Variants in GPR137C observed in about 807,000 individuals in gnomAD.
The protein encoded by GPR137C is G protein-coupled receptor 137C.
GPR137C carries 27 observed loss-of-function variants against 43.4 expected under a neutral mutation model. The ratio of observed to expected loss-of-function variants is 0.62; its 90% CI spans 0.46 to 0.86. The LOEUF is 0.86. Ranked by LOEUF, GPR137C falls within the 40% of genes least tolerant of loss-of-function variation. The probability of loss-of-function intolerance (pLI) is 0.00; values close to 1 mark genes in which losing one functional copy is unlikely to be tolerated. For synonymous variants in GPR137C, 285 were observed against 226.9 expected (o/e 1.26, Z -2.30); for missense variants, 522 against 534.6 (o/e 0.98, Z 0.23).
At chr14:52,607,003 T>C (rs1043086338) in intron 3 of GPR137C, among the ~76,000 whole-genome samples, 3 of 152,202 alleles carry the variant, frequency 2.0e-5, no homozygotes, top group Non-Finnish European at 4.4e-5. Flanking sequence ...TTTTTGTTTT[T>C]CTCAAGAAAT....
intron 3 of GPR137C, chr14:52,612,493 C>T (rs1014168892): frequency 5.1e-6 from 5 of 981,012 alleles, no homozygotes; most frequent in Non-Finnish European, 6.1e-6. Context: ...TTAGTAATTA[C>T]ATCTAGAACT....
At chr14:52,591,451 A>G (rs2038783411) in intron 1 of GPR137C, among the ~76,000 whole-genome samples, 1 of 152,186 alleles carries the variant, frequency 6.6e-6, no homozygotes, top group African/African-American at 2.4e-5. Flanking sequence ...CCAACAGTGT[A>G]AAAGCATTCC....
chr14:52,578,542 A>C (rs1310484252), intron 1 of GPR137C, among the ~76,000 whole-genome samples: 1 of 152,128 alleles, frequency 6.6e-6, no homozygotes, highest in Non-Finnish European at 1.5e-5. Context: ...TATTAAGGAT[A>C]GTTTTCCTGT....
intron 3 of GPR137C, among the ~76,000 whole-genome samples, chr14:52,631,155 A>G (rs989757174): frequency 5.5e-4 from 84 of 152,278 alleles, no homozygotes; most frequent in African/African-American, 2.0e-3. Flanking sequence ...TATATTCAAA[A>G]CGGAATTAGG....
Position 52,634,977 on chromosome 14 carries a change from G to T in GPR137C, c.1152G>T (p.Met384Ile). 6.2e-7 allele frequency: 1 copy of T among 1,612,548 alleles called. No homozygotes were observed. The highest frequency in any genetic ancestry group is 8.5e-7 in the Non-Finnish European group (1 of 1,179,312). Residue 384 changes from methionine to isoleucine, a missense_variant, in exon 7 of 7, where the codon ATG (methionine) becomes ATT (isoleucine). Physicochemically the swap from Met to Ile is conservative, Grantham distance 10. Transcript: ENST00000321662. ...NSQSLGWYGT[M>I]TGCGSSSYTV... ...AAAGTTTGGGCTGGTATGGCACCAT[G>T]ACTGGGTGTGGCAGCAGCAGTTACA...
At chr14:52,559,246 C>G (rs1043445602) in intron 1 of GPR137C, among the ~76,000 whole-genome samples, 1 of 151,916 alleles carries the variant, frequency 6.6e-6, no homozygotes, top group Admixed American at 6.6e-5. Flanking sequence ...CATGGTGGCA[C>G]GCGCCTGTAG....
rs2039342142 is a variant in GPR137C, at chr14:52,635,389, T to C, written c.*274T>C. 2 of 296,760 alleles carry C rather than the reference T, an allele frequency of 6.7e-6. No individual in the cohort carries two copies. Among genetic ancestry groups the C allele is most frequent in the Admixed American group, 1.1e-4 (2 of 18,994 alleles). 18.4% of individuals were successfully genotyped at this position (296,760 alleles called of 1,614,324 possible). On this transcript the variant is annotated 3_prime_UTR_variant, in exon 7 of 7. Transcript: ENST00000321662. ...TCCTGACTTTGGAACATCAAATGCATATGTGCACTTTTATCTTTGTTCTGA... is the reference window on the plus strand; with the variant it reads ...TCCTGACTTTGGAACATCAAATGCACATGTGCACTTTTATCTTTGTTCTGA...
At chr14:52,575,859 A>G (rs1213390273) in intron 1 of GPR137C, among the ~76,000 whole-genome samples, 1 of 152,192 alleles carries the variant, frequency 6.6e-6, no homozygotes, top group Non-Finnish European at 1.5e-5. Context: ...CTAAATTTCT[A>G]AGGTTTCTCT....
At chr14:52,608,739 G>A (rs1355203928) in intron 3 of GPR137C, among the ~76,000 whole-genome samples, 2 of 151,504 alleles carry the variant, frequency 1.3e-5, no homozygotes, top group African/African-American at 4.9e-5. Flanking sequence ...TCAGCACTCT[G>A]AATATATCAT....
chr14:52,596,452 C>T (rs530183470), intron 1 of GPR137C, among the ~76,000 whole-genome samples: 3 of 152,358 alleles, frequency 2.0e-5, no homozygotes, highest in South Asian at 2.1e-4. Flanking sequence ...AGGCGGTAGG[C>T]CTTGCTGAGC....
intron 3 of GPR137C, among the ~76,000 whole-genome samples, chr14:52,616,761 A>G (rs537518181): frequency 5.7e-4 from 87 of 152,288 alleles, no homozygotes; most frequent in African/African-American, 2.1e-3. Flanking sequence ...TGCCAGAAAG[A>G]TGACCTGAAG....
In GPR137C at chr14:52,633,966, T is replaced by G. The variant is rs997616367; in HGVS notation, c.1112+20T>G. 9 of 1,292,152 alleles carry G rather than the reference T, an allele frequency of 7.0e-6. No individual in the cohort carries two copies. In the African/African-American group the frequency reaches 8.8e-5, roughly 13 times the overall value. The allele number at this position is 1,292,152 out of a possible 1,614,324, so 80.0% of individuals were successfully genotyped here. A position where few individuals can be genotyped will look rare whatever the true frequency, so the allele number is the denominator to read the frequency against. On this transcript the variant is annotated intron_variant, in intron 6 of 6. Transcript: ENST00000321662. ...AGGAAGGTAGATGTAACAAAGCCAC[T>G]TAGCCTGAATTACTATTGAAATTGA...
At chr14:52,562,451 A>G (rs998682344) in intron 1 of GPR137C, among the ~76,000 whole-genome samples, 1 of 152,160 alleles carries the variant, frequency 6.6e-6, no homozygotes, top group Non-Finnish European at 1.5e-5. Flanking sequence ...ACAAGCCAGA[A>G]TTCAGTAACA....
chr14:52,580,317 G>A (rs2038623633), intron 1 of GPR137C, among the ~76,000 whole-genome samples: 1 of 152,066 alleles, frequency 6.6e-6, no homozygotes, highest in Non-Finnish European at 1.5e-5. Flanking sequence ...TCATTTTTAA[G>A]CAGCTTAGAA....
At chr14:52,587,313 A>G (rs1298662965) in intron 1 of GPR137C, among the ~76,000 whole-genome samples, 1 of 152,212 alleles carries the variant, frequency 6.6e-6, no homozygotes, top group Non-Finnish European at 1.5e-5. Context: ...TCTCTCCCTG[A>G]GACACTTAAC....
intron 1 of GPR137C, among the ~76,000 whole-genome samples, chr14:52,571,050 C>T (rs983720294): frequency 1.1e-4 from 16 of 152,274 alleles, no homozygotes; most frequent in Admixed American, 6.5e-4. Flanking sequence ...TTCTCAGCAC[C>T]GCATCACACT....
rs780712927 is a variant in GPR137C, at chr14:52,635,165, T to C, written c.*50T>C. ...GAGTTGTTTTTCATAAATGTGTATA[T>C]TCAATGTGTTTAAATTCCATCTACA... On this transcript the variant is annotated 3_prime_UTR_variant, in exon 7 of 7. Coordinates refer to ENST00000321662, the MANE Select transcript of GPR137C (RefSeq NM_001099652.2). 1 of 1,388,306 alleles carries C rather than the reference T, an allele frequency of 7.2e-7. No homozygotes were observed. Among genetic ancestry groups the C allele is most frequent in the Middle Eastern group, 2.3e-4 (1 of 4,434 alleles). 86.0% of individuals were successfully genotyped at this position (1,388,306 alleles called of 1,614,324 possible). A position where few individuals can be genotyped will look rare whatever the true frequency, so the allele number is the denominator to read the frequency against.
intron 3 of GPR137C, among the ~76,000 whole-genome samples, chr14:52,629,925 A>G (rs1020105953): frequency 6.6e-6 from 1 of 152,152 alleles, no homozygotes; most frequent in African/African-American, 2.4e-5. Context: ...AATTTCTTTA[A>G]AAGTGGTATG....
chr14:52,611,509 A>G, intron 3 of GPR137C: 1 of 350,394 alleles, frequency 2.9e-6, no homozygotes, highest in Non-Finnish European at 4.0e-6. Flanking sequence ...AATTTTAAGG[A>G]TACAACCTCC....
Sources: allele counts gnomAD v4.1 joint callset (sites outside exome capture counted in the v4.1 genomes callset), GRCh38; gene constraint gnomAD v4.1.1; transcripts MANE v1.5; gene names NCBI Gene and HGNC (gene_info 2026-07-23, HGNC 2026-07-21).